Variants in SLC39A11 observed in about 807,000 individuals in gnomAD.
SLC39A11 encodes the protein solute carrier family 39 member 11.
In SLC39A11, 33 loss-of-function variants were observed where a neutral mutation model predicts 36.1. The observed-to-expected ratio is 0.91, with a 90% CI of 0.69 to 1.22. SLC39A11 has a LOEUF of 1.22. Ranked by LOEUF, SLC39A11 falls within the 50% of genes most tolerant of loss-of-function variation. The pLI is 0.00. For missense variants in SLC39A11, 432 were observed against 430.3 expected (o/e 1.00, Z -0.03); for synonymous variants, 166 against 170.3 (o/e 0.97, Z 0.20).
intron 5 of SLC39A11, among the ~76,000 whole-genome samples, chr17:72,884,311 G>C (rs374770339): frequency 1.0e-3 from 158 of 152,316 alleles, no homozygotes; most frequent in African/African-American, 3.5e-3. Context: ...CCATTTGCAG[G>C]GCCAGTGCAC....
At chr17:72,785,226 A>G (rs960904993) in intron 6 of SLC39A11, among the ~76,000 whole-genome samples, 2 of 152,312 alleles carry the variant, frequency 1.3e-5, no homozygotes, top group Middle Eastern at 6.8e-3. Context: ...ACATTTGGAG[A>G]TGAAAAGAAG....
At chr17:72,779,923 C>G (rs1021284743) in intron 6 of SLC39A11, among the ~76,000 whole-genome samples, 2 of 152,136 alleles carry the variant, frequency 1.3e-5, no homozygotes, top group Non-Finnish European at 2.9e-5. Context: ...CCATGAGGAA[C>G]CCCTATCTGT....
chr17:72,813,825 C>T lies in SLC39A11; in HGVS notation c.601+35809G>A, dbSNP rs141589045. 3.4e-4 allele frequency among the ~76,000 whole-genome samples: 52 copies of T among 152,246 alleles called. No individual in the cohort carries two copies. In the East Asian group the frequency reaches 3.7e-3, roughly 11 times the overall value. ...TAAGGCAGGATGGGGCAGAGGGAGG[C>T]GGCAGAGAAGGACCTGCATATTCCA... On this transcript the variant is annotated intron_variant, in intron 6 of 9. Coordinates refer to ENST00000255559, the MANE Select transcript of SLC39A11 (RefSeq NM_139177.4).
intron 4 of SLC39A11, among the ~76,000 whole-genome samples, chr17:73,020,687 T>TTTC (rs2058315636): frequency 8.2e-6 from 1 of 121,802 alleles, no homozygotes; most frequent in Admixed American, 8.1e-5. Context: ...TTTCTTTTTT[T>TTTC]TTTTTTTTTT....
At chr17:72,911,620 T>C (rs570613606) in intron 5 of SLC39A11, among the ~76,000 whole-genome samples, 1 of 152,184 alleles carries the variant, frequency 6.6e-6, no homozygotes, top group African/African-American at 2.4e-5. Context: ...CTGATTCTGA[T>C]TCTTCTGTGA....
rs1384059126 is a variant in SLC39A11, at chr17:72,947,793, G to A, written c.389C>T (p.Pro130Leu). The stretch of plus-strand genomic sequence containing the variant: ...TTCACTCTCAGGGAAGAGCAGCGCG[G>A]GACCCTCAGGATCAGACTTCTTCTT... ...LMKKKSDPEG[P>L]ALLFPESELS... Residue 130 changes from proline to leucine, a missense_variant, in exon 5 of 10, where the codon CCC (proline) becomes CTC (leucine). Transcript: ENST00000255559. 3.3e-5 allele frequency: 53 copies of A among 1,614,004 alleles called. No homozygotes were observed. The highest frequency in any genetic ancestry group is 4.1e-5 in the Non-Finnish European group (48 of 1,180,034).
chr17:72,912,018 G>A (rs1397717668), intron 5 of SLC39A11, among the ~76,000 whole-genome samples: 1 of 152,142 alleles, frequency 6.6e-6, no homozygotes, highest in Non-Finnish European at 1.5e-5. Flanking sequence ...GCAACGTGAT[G>A]GGATTTGGGA....
At chr17:72,927,633 C>T (rs148486034) in intron 5 of SLC39A11, among the ~76,000 whole-genome samples, 209 of 152,228 alleles carry the variant, frequency 1.4e-3, no homozygotes, top group Middle Eastern at 3.4e-3. Flanking sequence ...GTTGCAATCA[C>T]GCCTCCCCAC....
At chr17:72,753,385 A>G (rs576308159) in intron 6 of SLC39A11, among the ~76,000 whole-genome samples, 12 of 152,290 alleles carry the variant, frequency 7.9e-5, no homozygotes, top group Non-Finnish European at 1.8e-4. Flanking sequence ...TTCATTCAGA[A>G]TATTCTAATG....
intron 5 of SLC39A11, among the ~76,000 whole-genome samples, chr17:72,902,982 A>G (rs770852999): frequency 2.1e-4 from 32 of 152,236 alleles, no homozygotes; most frequent in Non-Finnish European, 4.3e-4. Flanking sequence ...TTCCATTGAA[A>G]TAGGCCGGGC....
chr17:72,992,511 G>A (rs189470458), intron 4 of SLC39A11, among the ~76,000 whole-genome samples: 173 of 152,170 alleles, frequency 1.1e-3, no homozygotes, highest in African/African-American at 3.3e-3. Context: ...TACTGTGCAC[G>A]GTTTGCCCCT....
intron 7 of SLC39A11, among the ~76,000 whole-genome samples, chr17:72,671,250 A>C (rs1478481684): frequency 6.6e-6 from 1 of 152,200 alleles, no homozygotes. Flanking sequence ...CTCTGTTTCC[A>C]AGTAGCTTAT....
intron 7 of SLC39A11, among the ~76,000 whole-genome samples, chr17:72,713,658 T>C (rs1001959038): frequency 6.6e-6 from 1 of 152,202 alleles, no homozygotes; most frequent in African/African-American, 2.4e-5. Flanking sequence ...CTAGCCATTC[T>C]CAACCCCTAT....
At chr17:72,927,348 C>A (rs1346509554) in intron 5 of SLC39A11, among the ~76,000 whole-genome samples, 1 of 152,178 alleles carries the variant, frequency 6.6e-6, no homozygotes, top group Non-Finnish European at 1.5e-5. Context: ...AGGCATGAGT[C>A]ACTGCGCCCA....
At chr17:72,874,199 G>C (rs1279893146) in intron 5 of SLC39A11, among the ~76,000 whole-genome samples, 2 of 152,216 alleles carry the variant, frequency 1.3e-5, no homozygotes, top group Non-Finnish European at 2.9e-5. Flanking sequence ...ATGGTTGACA[G>C]TATAATAGGA....
intron 7 of SLC39A11, among the ~76,000 whole-genome samples, chr17:72,650,397 G>A (rs562958285): frequency 6.6e-6 from 1 of 152,344 alleles, no homozygotes; most frequent in African/African-American, 2.4e-5. Flanking sequence ...TAGCCATGGA[G>A]ACAACACAGG....
chr17:72,923,870 C>A (rs772188033), intron 5 of SLC39A11, among the ~76,000 whole-genome samples: 12 of 152,074 alleles, frequency 7.9e-5, no homozygotes, highest in Non-Finnish European at 1.6e-4. Flanking sequence ...ATGGGCCAGA[C>A]GCAGTGGCTC....
intron 3 of SLC39A11, 52 bp downstream of exon 3, chr17:73,084,754 CAT>C (rs2060664098): frequency 3.8e-6 from 6 of 1,590,438 alleles, no homozygotes; most frequent in Non-Finnish European, 5.2e-6. Flanking sequence ...TTGGCAGACA[CAT>C]GTCAGAATCA....
intron 6 of SLC39A11, among the ~76,000 whole-genome samples, chr17:72,774,792 C>A (rs780235651): frequency 2.2e-4 from 34 of 152,154 alleles, no homozygotes; most frequent in Non-Finnish European, 4.6e-4. Flanking sequence ...CGGGATCTAG[C>A]TACATACATT....
Sources: allele counts gnomAD v4.1 joint callset (sites outside exome capture counted in the v4.1 genomes callset), GRCh38; gene constraint gnomAD v4.1.1; transcripts MANE v1.5; gene names NCBI Gene and HGNC (gene_info 2026-07-23, HGNC 2026-07-21).